Variants in CHST15 observed in about 807,000 individuals in gnomAD.
CHST15 encodes carbohydrate sulfotransferase 15, also known as B cell RAG associated protein (GALNAC4S-6ST).
A neutral mutation model predicts 53.6 loss-of-function variants in CHST15; 30 were observed. The observed-to-expected ratio is 0.56, with a 90% confidence interval of 0.42 to 0.76. The LOEUF (loss-of-function observed/expected upper bound fraction) is 0.76. Ranked by LOEUF, CHST15 falls within the 30% of genes least tolerant of loss-of-function variation. The pLI, the probability that CHST15 is intolerant of heterozygous loss-of-function variation, is 0.00. For missense variants in CHST15, 627 were observed against 740.5 expected, an observed-to-expected ratio of 0.85 and a Z score of 1.78; for synonymous variants, 296 against 289.8, an observed-to-expected ratio of 1.02 and a Z score of -0.22.
At chr10:124,020,712 G>T (rs1298322445) in intron 6 of CHST15, 2 of 1,003,674 alleles carry the variant, frequency 2.0e-6, no homozygotes, top group East Asian at 1.0e-4. Flanking sequence ...GGGGCTAAAA[G>T]GTGCTGAATT....
chr10:124,063,315 G>A (rs1475394825), intron 1 of CHST15, among the ~76,000 whole-genome samples: 16 of 152,116 alleles, frequency 1.1e-4, no homozygotes, highest in African/African-American at 3.4e-4. Context: ...CTCAGGAGGT[G>A]GAGGTTGCAG....
At chr10:124,044,991 G>C in intron 2 of CHST15, 72 bp from the exon 3 acceptor site, 1 of 1,047,604 alleles carries the variant, frequency 9.5e-7, no homozygotes, top group African/African-American at 1.6e-5. Flanking sequence ...ACCGCAATGG[G>C]AACCTGCCCT....
intron 1 of CHST15, among the ~76,000 whole-genome samples, chr10:124,071,755 T>A (rs1323011713): frequency 6.6e-6 from 1 of 152,252 alleles, no homozygotes; most frequent in Non-Finnish European, 1.5e-5. Flanking sequence ...GAAAAGGAGT[T>A]ATGGACCCAA....
At chr10:124,012,037 T>C (rs1289281440) in intron 7 of CHST15, among the ~76,000 whole-genome samples, 1 of 152,142 alleles carries the variant, frequency 6.6e-6, no homozygotes, top group Non-Finnish European at 1.5e-5. Context: ...ATCCTACCTG[T>C]CATTCAGTTA....
At chr10:124,015,208 A>G (rs1564849025) in intron 6 of CHST15, among the ~76,000 whole-genome samples, 1 of 152,192 alleles carries the variant, frequency 6.6e-6, no homozygotes, top group African/African-American at 2.4e-5. Context: ...GACAGCCCCC[A>G]GCAGATTTTT....
intron 1 of CHST15, among the ~76,000 whole-genome samples, chr10:124,075,196 G>A (rs1035147502): frequency 6.6e-6 from 1 of 152,188 alleles, no homozygotes. Flanking sequence ...GGTGCTGTTT[G>A]TTATTTGCTG....
At chr10:124,015,678 C>A (rs1946564705) in intron 6 of CHST15, among the ~76,000 whole-genome samples, 2 of 152,248 alleles carry the variant, frequency 1.3e-5, no homozygotes, top group African/African-American at 4.8e-5. Flanking sequence ...TGAGCTCGTG[C>A]CACCATGTGC....
chr10:124,030,515 C>T (rs1230717626), intron 5 of CHST15, among the ~76,000 whole-genome samples: 2 of 152,014 alleles, frequency 1.3e-5, no homozygotes, highest in African/African-American at 2.4e-5. Context: ...GAAATCGATC[C>T]GTGGCTATTG....
chr10:124,028,366 C>T (rs1037591741), intron 5 of CHST15, among the ~76,000 whole-genome samples: 2 of 152,196 alleles, frequency 1.3e-5, no homozygotes, highest in African/African-American at 2.4e-5. Flanking sequence ...GAGAACTCTG[C>T]AGGACCTGGC....
chr10:124,027,444 C>T (rs1043038143), intron 5 of CHST15, among the ~76,000 whole-genome samples: 2 of 152,076 alleles, frequency 1.3e-5, no homozygotes, highest in Non-Finnish European at 2.9e-5. Flanking sequence ...CACTTACAGC[C>T]AAGACCACTG....
intron 1 of CHST15, among the ~76,000 whole-genome samples, chr10:124,061,637 A>T (rs1043992999): frequency 1.3e-5 from 2 of 152,246 alleles, no homozygotes; most frequent in African/African-American, 2.4e-5. Context: ...TTACTTACAT[A>T]GAGCAAGCAT....
chr10:124,082,559 C>T (rs888217434), intron 1 of CHST15, among the ~76,000 whole-genome samples: 8 of 152,258 alleles, frequency 5.3e-5, no homozygotes, highest in African/African-American at 1.9e-4. Flanking sequence ...GAAAACGTCT[C>T]ATAAAACATA....
chr10:124,044,173 C>T (rs978850504), intron 3 of CHST15, among the ~76,000 whole-genome samples: 34 of 151,018 alleles, frequency 2.3e-4, no homozygotes, highest in African/African-American at 6.1e-4. Context: ...AGCTTGGGAG[C>T]GGCACAGAGC....
intron 5 of CHST15, among the ~76,000 whole-genome samples, chr10:124,026,720 C>T (rs780447022): frequency 2.6e-5 from 4 of 152,202 alleles, no homozygotes; most frequent in Non-Finnish European, 4.4e-5. Context: ...AGCTCACGGC[C>T]TCAGCGGATG....
chr10:124,048,796 G>A (rs564724707), intron 1 of CHST15, among the ~76,000 whole-genome samples: 9 of 152,240 alleles, frequency 5.9e-5, no homozygotes, highest in South Asian at 2.1e-4. Flanking sequence ...AACAAAACAC[G>A]GACTTTGAAG....
intron 1 of CHST15, among the ~76,000 whole-genome samples, chr10:124,059,619 G>T (rs142682074): frequency 4.9e-4 from 74 of 152,250 alleles, no homozygotes; most frequent in African/African-American, 1.6e-3. Context: ...GAGGAGAAAG[G>T]TCTCGCATGG....
rs774207724 is a variant in CHST15, at chr10:124,062,655, G to A, written c.-512-15931C>T. On this transcript the variant is annotated intron_variant, in intron 1 of 7. Coordinates refer to ENST00000435907, the MANE Select transcript of CHST15 (RefSeq NM_001270764.2). ...CATTTCTTTTTCTTTCCTCCCTCCC[G>A]TTTCTGCAAACAGGATCTCAGCTCA... Among the ~76,000 whole-genome samples, 5 of 152,028 alleles carry A rather than the reference G, an allele frequency of 3.3e-5. No homozygotes were observed. In the East Asian group the frequency reaches 7.7e-4, roughly 24 times the overall value.
intron 1 of CHST15, among the ~76,000 whole-genome samples, chr10:124,050,757 G>A (rs930913925): frequency 6.6e-6 from 1 of 152,158 alleles, no homozygotes; most frequent in African/African-American, 2.4e-5. Context: ...GGGAAGCAAA[G>A]GCCCCGTAGA....
intron 4 of CHST15, 85 bp downstream of exon 4, chr10:124,042,216 T>G: frequency 7.2e-7 from 1 of 1,393,162 alleles, no homozygotes; most frequent in South Asian, 1.4e-5. Flanking sequence ...GTTCTGGAGG[T>G]GAAGCAGAGC....
Sources: allele counts gnomAD v4.1 joint callset (sites outside exome capture counted in the v4.1 genomes callset), GRCh38; gene constraint gnomAD v4.1.1; transcripts MANE v1.5; gene names NCBI Gene and HGNC (gene_info 2026-07-23, HGNC 2026-07-21).